HCRTR2: variants seen among roughly 807,000 people sequenced by gnomAD.
HCRTR2 encodes orexin receptor type 2.
In HCRTR2, 22 loss-of-function variants were observed where a neutral mutation model predicts 49.0. The observed-to-expected ratio is 0.45, with a 90% CI of 0.32 to 0.64. The LOEUF (loss-of-function observed/expected upper bound fraction) is 0.64, where lower values mean the gene tolerates loss of function less well. Ranked by LOEUF, HCRTR2 falls within the 30% of genes least tolerant of loss-of-function variation. The probability of loss-of-function intolerance (pLI) is 0.04; values close to 1 mark genes in which losing one functional copy is unlikely to be tolerated. For missense variants in HCRTR2, 491 were observed against 559.4 expected (o/e 0.88, Z 1.23); for synonymous variants, 236 against 205.3 (o/e 1.15, Z -1.28).
intron 1 of HCRTR2, among the ~76,000 whole-genome samples, chr6:55,179,381 G>A (rs1765093541): frequency 6.6e-6 from 1 of 152,128 alleles, no homozygotes; most frequent in African/African-American, 2.4e-5. Context: ...TAAACCTATT[G>A]TGCATTTTAG....
intron 1 of HCRTR2, among the ~76,000 whole-genome samples, chr6:55,180,799 T>C (rs1014562382): frequency 1.3e-5 from 2 of 151,598 alleles, no homozygotes; most frequent in African/African-American, 4.9e-5. Context: ...AGATGAACTT[T>C]TTTTAATTTT....
At chr6:55,164,625 G>A (rs1175871937) in intron 1 of HCRTR2, among the ~76,000 whole-genome samples, 2 of 152,162 alleles carry the variant, frequency 1.3e-5, no homozygotes, top group East Asian at 3.9e-4. Context: ...GGCCTGTCAG[G>A]CAGTGGGGGG....
chr6:55,264,542 C>A (rs939017385), intron 4 of HCRTR2, among the ~76,000 whole-genome samples: 2 of 151,806 alleles, frequency 1.3e-5, no homozygotes, highest in African/African-American at 4.8e-5. Flanking sequence ...AGATGCAGGG[C>A]GAAAATTACT....
At chr6:55,256,021 T>A (rs1581860399) in intron 3 of HCRTR2, among the ~76,000 whole-genome samples, 1 of 152,216 alleles carries the variant, frequency 6.6e-6, no homozygotes, top group Non-Finnish European at 1.5e-5. Flanking sequence ...GCAATCAGGT[T>A]TGAAGGCTTT....
intron 1 of HCRTR2, among the ~76,000 whole-genome samples, chr6:55,180,045 TC>T (rs1765104636): frequency 6.6e-6 from 1 of 152,232 alleles, no homozygotes; most frequent in Non-Finnish European, 1.5e-5. Flanking sequence ...TGTCTTCAGT[TC>T]CTTTTTTCCC....
chr6:55,121,922 CT>C (rs146134393), intron 1 of HCRTR2, among the ~76,000 whole-genome samples: 5,603 of 152,102 alleles, frequency 0.037, 341 homozygotes, highest in African/African-American at 0.13. Flanking sequence ...CTAAAATTCT[CT>C]TTTTTGTTGT....
intron 1 of HCRTR2, among the ~76,000 whole-genome samples, chr6:55,206,557 T>C (rs1325488770): frequency 2.0e-5 from 3 of 152,028 alleles, no homozygotes; most frequent in Admixed American, 2.0e-4. Context: ...TTTTTATGAG[T>C]GCAAGGAGTA....
At chr6:55,164,843 G>A (rs1764854524) in intron 1 of HCRTR2, among the ~76,000 whole-genome samples, 1 of 152,032 alleles carries the variant, frequency 6.6e-6, no homozygotes, top group Non-Finnish European at 1.5e-5. Context: ...ACCAATCCTG[G>A]AGTGACAGAA....
intron 1 of HCRTR2, among the ~76,000 whole-genome samples, chr6:55,153,937 T>C (rs1436914520): frequency 6.6e-6 from 1 of 151,696 alleles, no homozygotes; most frequent in Non-Finnish European, 1.5e-5. Context: ...AAATTGGAAA[T>C]GAGACAGGAG....
At chr6:55,228,786 G>A (rs530091440) in intron 1 of HCRTR2, among the ~76,000 whole-genome samples, 1 of 152,128 alleles carries the variant, frequency 6.6e-6, no homozygotes, top group Non-Finnish European at 1.5e-5. Context: ...TCTTTTTCTA[G>A]AACAATTGTT....
At chr6:55,198,248 T>C (rs1441608814) in intron 1 of HCRTR2, among the ~76,000 whole-genome samples, 3 of 152,146 alleles carry the variant, frequency 2.0e-5, no homozygotes, top group African/African-American at 7.2e-5. Flanking sequence ...ATGCTAATCA[T>C]TAAGTCTCAA....
chr6:55,272,365 G>A (rs1288418766), intron 4 of HCRTR2, among the ~76,000 whole-genome samples: 1 of 152,118 alleles, frequency 6.6e-6, no homozygotes, highest in Non-Finnish European at 1.5e-5. Flanking sequence ...ATGGGACAAT[G>A]AGAAGTGACT....
At chr6:55,150,910 C>T (rs748673580) in intron 1 of HCRTR2, among the ~76,000 whole-genome samples, 5 of 151,960 alleles carry the variant, frequency 3.3e-5, no homozygotes, top group Non-Finnish European at 5.9e-5. Flanking sequence ...GTGAATATCA[C>T]AATAAAGTGA....
At chr6:55,237,741 G>A (rs947649603) in intron 1 of HCRTR2, among the ~76,000 whole-genome samples, 12 of 152,130 alleles carry the variant, frequency 7.9e-5, no homozygotes, top group Non-Finnish European at 1.0e-4. Flanking sequence ...GTTTTAGGTG[G>A]GAAGTTTGTT....
intron 1 of HCRTR2, among the ~76,000 whole-genome samples, chr6:55,126,817 C>A (rs1764285201): frequency 6.6e-6 from 1 of 152,130 alleles, no homozygotes; most frequent in Admixed American, 6.5e-5. Flanking sequence ...TGCTGAGCTG[C>A]AGTGGGCTCC....
intron 1 of HCRTR2, among the ~76,000 whole-genome samples, chr6:55,228,339 T>A (rs1173244669): frequency 3.0e-5 from 4 of 132,624 alleles, no homozygotes; most frequent in East Asian, 2.0e-4. Context: ...GGAAAAAAAA[T>A]TAAATATTAA....
At chr6:55,283,890 C>G (rs1767239843), downstream of HCRTR2, among the ~76,000 whole-genome samples, 1 of 152,106 alleles carries the variant, frequency 6.6e-6, no homozygotes, top group Non-Finnish European at 1.5e-5. Flanking sequence ...ATTCTGTTAC[C>G]TTGTGCCTTT....
intron 1 of HCRTR2, among the ~76,000 whole-genome samples, chr6:55,187,016 AG>A (rs1765227496): frequency 6.6e-6 from 1 of 152,152 alleles, no homozygotes; most frequent in South Asian, 2.1e-4. Context: ...AGAGAATAGG[AG>A]AAACACTAAT....
intron 6 of HCRTR2, 44 bp from the exon 7 acceptor site, chr6:55,282,181 A>T (rs1311312351): frequency 1.4e-6 from 2 of 1,381,410 alleles, no homozygotes; most frequent in Non-Finnish European, 2.0e-6. Context: ...TTGTTGAAGC[A>T]TTTATGTATA....
Sources: allele counts gnomAD v4.1 joint callset (sites outside exome capture counted in the v4.1 genomes callset), GRCh38; gene constraint gnomAD v4.1.1; transcripts MANE v1.5; gene names NCBI Gene and HGNC (gene_info 2026-07-23, HGNC 2026-07-21).